USP34: variants seen among roughly 807,000 people sequenced by gnomAD.
The protein encoded by USP34 is ubiquitin carboxyl-terminal hydrolase 34.
USP34 carries 70 observed loss-of-function variants against 460.3 expected under a neutral mutation model. The ratio of observed to expected loss-of-function variants is 0.15; its 90% CI spans 0.13 to 0.19. USP34 has a LOEUF of 0.19. USP34 is among the 10% of genes least tolerant of loss of function. USP34 has a pLI of 1.00. For missense variants in USP34, 3,985 were observed against 4,236.2 expected (o/e 0.94, Z 1.65); for synonymous variants, 1,647 against 1,405.3 (o/e 1.17, Z -3.85).
At chr2:61,248,445 A>C (rs1415596105) in intron 49 of USP34, 66 bp downstream of exon 49, 2 of 1,463,452 alleles carry the variant, frequency 1.4e-6, no homozygotes, top group Non-Finnish European at 1.8e-6. Context: ...CAACTTTATA[A>C]TTATGCCTAC....
intron 29 of USP34, among the ~76,000 whole-genome samples, chr2:61,298,295 G>A (rs2103632464): frequency 6.7e-6 from 1 of 148,272 alleles, no homozygotes; most frequent in Admixed American, 6.8e-5. Flanking sequence ...GCAGAGGTGG[G>A]CGGATCACAA....
intron 1 of USP34, among the ~76,000 whole-genome samples, chr2:61,435,482 A>C (rs1694788674): frequency 6.6e-6 from 1 of 152,048 alleles, no homozygotes; most frequent in Non-Finnish European, 1.5e-5. Flanking sequence ...ACAGCTTATC[A>C]AGATTATACC....
intron 42 of USP34, chr2:61,265,770 A>G: frequency 1.4e-6 from 1 of 690,418 alleles, no homozygotes; most frequent in East Asian, 3.3e-5. Flanking sequence ...ACTTGGCCCC[A>G]AATTACTTTT....
Position 61,208,950 on chromosome 2 carries a change from A to C in USP34, c.8868T>G (p.Asp2956Glu). Reference sequence around the variant, plus strand: ...TAAATACAACAAGAAGTCTGTCTTCATCAGATTCTAATAGTATTCTGAAGG... The same window carrying C: ...TAAATACAACAAGAAGTCTGTCTTCCTCAGATTCTAATAGTATTCTGAAGG... ...ISAFRILLESDEDRLLVVFNR... is the reference protein window; with the variant it reads ...ISAFRILLESEEDRLLVVFNR... The change falls in exon 70 of 80, where the codon GAT becomes GAG. Residue 2956 changes from aspartate (D) to glutamate (E), a missense_variant. Coordinates refer to ENST00000398571, the MANE Select transcript of USP34 (RefSeq NM_014709.4). The C allele has an allele frequency of 6.3e-7, 1 of 1,596,586 alleles. No individual in the cohort carries two copies.
chr2:61,323,099 C>G (rs62149674), intron 21 of USP34, among the ~76,000 whole-genome samples: 13 of 152,166 alleles, frequency 8.5e-5, no homozygotes, highest in Admixed American at 3.3e-4. Context: ...GTACAACCAG[C>G]CATGCACAGT....
At chr2:61,300,404 C>T (rs1280371392) in intron 29 of USP34, among the ~76,000 whole-genome samples, 1 of 149,566 alleles carries the variant, frequency 6.7e-6, no homozygotes, top group African/African-American at 2.4e-5. Flanking sequence ...GGTCAGGCTG[C>T]TCTTGAACTC....
At chr2:61,246,526 G>A (rs1688422010) in intron 49 of USP34, 49 bp from the exon 50 acceptor site, 6 of 1,259,432 alleles carry the variant, frequency 4.8e-6, no homozygotes, top group African/African-American at 4.6e-5. Flanking sequence ...CTTCACAACA[G>A]TTACTTAGAA....
At chr2:61,408,850 G>A (rs576180555) in intron 2 of USP34, among the ~76,000 whole-genome samples, 34 of 151,592 alleles carry the variant, frequency 2.2e-4, no homozygotes, top group African/African-American at 7.5e-4. Flanking sequence ...CCGAGATCAC[G>A]CCCCCTGCAC....
chr2:61,377,200 GTC>G (rs1692823924), intron 8 of USP34, among the ~76,000 whole-genome samples: 1 of 152,290 alleles, frequency 6.6e-6, no homozygotes, highest in African/African-American at 2.4e-5. Context: ...TCAAGAGACA[GTC>G]TCTGGTTTCC....
chr2:61,433,488 G>C (rs949962415), intron 1 of USP34, among the ~76,000 whole-genome samples: 1 of 152,042 alleles, frequency 6.6e-6, no homozygotes, highest in African/African-American at 2.4e-5. Context: ...ATAAAAATTA[G>C]CCGGGCGTGG....
chr2:61,228,273 T>G (rs942126077), intron 61 of USP34, among the ~76,000 whole-genome samples: 15 of 152,232 alleles, frequency 9.9e-5, no homozygotes, highest in Non-Finnish European at 1.6e-4. Flanking sequence ...ATATTATTCA[T>G]AGACCACCTA....
At chr2:61,448,177 T>C (rs1286188954) in intron 1 of USP34, among the ~76,000 whole-genome samples, 1 of 152,152 alleles carries the variant, frequency 6.6e-6, no homozygotes, top group African/African-American at 2.4e-5. Context: ...GTCAACACAA[T>C]GAAAAACACA....
intron 67 of USP34, among the ~76,000 whole-genome samples, chr2:61,216,444 C>T (rs952306361): frequency 6.7e-6 from 1 of 149,938 alleles, no homozygotes; most frequent in Admixed American, 6.7e-5. Context: ...ACTAAAAATA[C>T]AAAAAATTAG....
chr2:61,356,282 A>T (rs1326403090), intron 10 of USP34, among the ~76,000 whole-genome samples: 2 of 152,142 alleles, frequency 1.3e-5, no homozygotes, highest in African/African-American at 4.8e-5. Flanking sequence ...GAGCCCAGGA[A>T]ATCAAGACTA....
chr2:61,406,541 A>C (rs567198703), intron 2 of USP34, among the ~76,000 whole-genome samples: 1 of 152,140 alleles, frequency 6.6e-6, no homozygotes, highest in Admixed American at 6.5e-5. Context: ...TCAACTAATA[A>C]AACAGCCACA....
chr2:61,232,068 A>G (rs1020345200), intron 58 of USP34, among the ~76,000 whole-genome samples: 5 of 152,156 alleles, frequency 3.3e-5, no homozygotes, highest in East Asian at 1.9e-4. Context: ...AATCACAGAA[A>G]TAAGTTACAG....
Position 61,406,124 on chromosome 2 carries a change from A to T in USP34, c.136T>A (p.Cys46Ser). ...TYINSWTQRQ[C>S]LCCFKEYKHL... The stretch of plus-strand genomic sequence containing the variant: ...TTATATTCCTTGAAGCAGCATAGAC[A>T]TTGCCTATAAGAGAAAAAAAATTGA... Residue 46 changes from cysteine to serine, a missense_variant, in exon 3 of 80, where the codon TGT (cysteine) becomes AGT (serine). Cys to Ser is a moderately radical substitution (Grantham distance 112). This residue lies in a region of USP34 where 331 missense variants were observed against 293.7 expected (regional missense o/e 1.13). Coordinates refer to ENST00000398571, the MANE Select transcript of USP34 (RefSeq NM_014709.4). 1 of 1,580,704 alleles carries T rather than the reference A, an allele frequency of 6.3e-7. No individual in the cohort carries two copies. Among genetic ancestry groups the T allele is most frequent in the Non-Finnish European group, 8.6e-7 (1 of 1,166,896 alleles).
chr2:61,461,581 C>T (rs1201987758), intron 1 of USP34, among the ~76,000 whole-genome samples: 1 of 151,992 alleles, frequency 6.6e-6, no homozygotes, highest in Admixed American at 6.6e-5. Flanking sequence ...CCTTGAATTC[C>T]AGGGCTCAAG....
chr2:61,190,158 T>C, intron 78 of USP34, 113 bp downstream of exon 78: 2 of 1,445,470 alleles, frequency 1.4e-6, no homozygotes, highest in Non-Finnish European at 1.8e-6. Context: ...CGCACATGGC[T>C]TAAGAGTTTG....
Sources: gnomAD v4.1 joint callset for allele counts (sites outside exome capture counted in the v4.1 genomes callset) on GRCh38, gnomAD v4.1.1 for gene constraint, gnomAD v4.1.1 regional missense constraint, MANE v1.5 for transcripts, NCBI Gene and HGNC (gene_info 2026-07-23, HGNC 2026-07-21) for gene names.